Variants in PRKN observed in about 807,000 individuals in gnomAD.
PRKN encodes the protein parkin RBR E3 ubiquitin protein ligase, also known as E3 ubiquitin-protein ligase parkin.
A neutral mutation model predicts 59.5 loss-of-function variants in PRKN; 56 were observed. The observed-to-expected ratio is 0.94, with a 90% CI of 0.76 to 1.18. The LOEUF (loss-of-function observed/expected upper bound fraction) is 1.18. Ranked by LOEUF, PRKN falls within the 50% of genes most tolerant of loss-of-function variation. The pLI is 0.00. For missense variants in PRKN, 657 were observed against 596.4 expected (o/e 1.10, Z -1.06); for synonymous variants, 250 against 222.1 (o/e 1.13, Z -1.12).
At chr6:162,537,485 T>C (rs902312833) in intron 1 of PRKN, among the ~76,000 whole-genome samples, 2 of 152,156 alleles carry the variant, frequency 1.3e-5, no homozygotes, top group African/African-American at 2.4e-5. Context: ...CTTCCCACTT[T>C]AGGCCCACAG....
At chr6:161,774,725 T>C (rs967237327) in intron 7 of PRKN, among the ~76,000 whole-genome samples, 1 of 152,182 alleles carries the variant, frequency 6.6e-6, no homozygotes, top group Non-Finnish European at 1.5e-5. Context: ...GAAATCAATC[T>C]TGACCCTGTT....
chr6:162,551,008 T>C (rs1726545500), intron 1 of PRKN, among the ~76,000 whole-genome samples: 1 of 152,192 alleles, frequency 6.6e-6, no homozygotes, highest in Non-Finnish European at 1.5e-5. Flanking sequence ...TGACTAAGCA[T>C]AACAGCAAAT....
At chr6:162,676,530 A>G (rs1254397274) in intron 1 of PRKN, among the ~76,000 whole-genome samples, 1 of 152,160 alleles carries the variant, frequency 6.6e-6, no homozygotes, top group Non-Finnish European at 1.5e-5. Flanking sequence ...TGAAGTTGCC[A>G]AAAGAAGTGC....
chr6:162,541,757 A>G (rs957696716), intron 1 of PRKN, among the ~76,000 whole-genome samples: 1 of 152,170 alleles, frequency 6.6e-6, no homozygotes, highest in Admixed American at 6.5e-5. Flanking sequence ...GTTTAGCGTT[A>G]AACAACTAGG....
chr6:162,085,220 A>C (rs1384964145), intron 4 of PRKN, among the ~76,000 whole-genome samples: 2 of 151,122 alleles, frequency 1.3e-5, no homozygotes, highest in East Asian at 3.9e-4. Context: ...GACAAATCCC[A>C]CCATGTTGTA....
At chr6:162,296,092 C>A (rs1781661476) in intron 2 of PRKN, among the ~76,000 whole-genome samples, 1 of 151,874 alleles carries the variant, frequency 6.6e-6, no homozygotes, top group Non-Finnish European at 1.5e-5. Context: ...AAAACAAAAA[C>A]AAAGCAAAAG....
intron 1 of PRKN, among the ~76,000 whole-genome samples, chr6:162,655,351 C>T (rs1441041902): frequency 6.6e-6 from 1 of 152,040 alleles, no homozygotes; most frequent in African/African-American, 2.4e-5. Flanking sequence ...ACAAGTAAAC[C>T]GTAGGGATTT....
At chr6:161,514,220 C>A (rs1035362104) in intron 9 of PRKN, among the ~76,000 whole-genome samples, 18 of 152,008 alleles carry the variant, frequency 1.2e-4, no homozygotes, top group African/African-American at 3.6e-4. Context: ...CCCCAGAGTC[C>A]TTGCTTTCTC....
At chr6:162,084,771 T>A (rs988547385) in intron 4 of PRKN, among the ~76,000 whole-genome samples, 2 of 151,942 alleles carry the variant, frequency 1.3e-5, no homozygotes, top group African/African-American at 2.4e-5. Flanking sequence ...TAGTGTGTAT[T>A]TAAAAAATAC....
chr6:162,146,216 A>G (rs1782020121), intron 4 of PRKN, among the ~76,000 whole-genome samples: 1 of 152,168 alleles, frequency 6.6e-6, no homozygotes, highest in Non-Finnish European at 1.5e-5. Flanking sequence ...TAAAGATAGT[A>G]GACTAGAGAT....
intron 9 of PRKN, among the ~76,000 whole-genome samples, chr6:161,537,592 C>T (rs536770505): frequency 6.6e-6 from 1 of 151,994 alleles, no homozygotes; most frequent in Non-Finnish European, 1.5e-5. Flanking sequence ...GCTGGGACTA[C>T]AGGCACCCGC....
intron 2 of PRKN, among the ~76,000 whole-genome samples, chr6:162,284,387 G>C (rs886992816): frequency 4.0e-5 from 6 of 151,882 alleles, no homozygotes; most frequent in African/African-American, 1.4e-4. Context: ...ACCATGCCCA[G>C]CTAATTTTGT....
chr6:162,633,079 G>C (rs1777568893), intron 1 of PRKN, among the ~76,000 whole-genome samples: 1 of 151,646 alleles, frequency 6.6e-6, no homozygotes, highest in Non-Finnish European at 1.5e-5. Flanking sequence ...ATATCTTTTA[G>C]GATTCATTGC....
intron 6 of PRKN, among the ~76,000 whole-genome samples, chr6:161,821,464 C>T (rs572313415): frequency 6.6e-6 from 1 of 152,126 alleles, no homozygotes; most frequent in South Asian, 2.1e-4. Flanking sequence ...TCCAGACTTT[C>T]ACTATTACAA....
At chr6:162,498,832 G>GATTATTGTTGAGA (rs56708693) in intron 1 of PRKN, among the ~76,000 whole-genome samples, 74,430 of 151,712 alleles carry the variant, frequency 0.49, 18,339 homozygotes, top group Middle Eastern at 0.55. Flanking sequence ...ATGAGAATTG[G>GATTATTGTTGAGA]ACAGTAGCCG....
chr6:161,714,982 G>T (rs1786911810), intron 7 of PRKN, among the ~76,000 whole-genome samples: 1 of 152,090 alleles, frequency 6.6e-6, no homozygotes, highest in Non-Finnish European at 1.5e-5. Context: ...TATTTGAACG[G>T]TATTCTTACC....
At chr6:161,996,501 C>T (rs1452655328) in intron 5 of PRKN, among the ~76,000 whole-genome samples, 2 of 152,144 alleles carry the variant, frequency 1.3e-5, no homozygotes, top group African/African-American at 2.4e-5. Flanking sequence ...ATACTGTAAT[C>T]TCTAATGGTA....
At chr6:161,705,099 A>T (rs1786425957) in intron 7 of PRKN, among the ~76,000 whole-genome samples, 1 of 152,072 alleles carries the variant, frequency 6.6e-6, no homozygotes, top group African/African-American at 2.4e-5. Context: ...CCCTTATCCA[A>T]ATTATTGTGG....
At chr6:161,705,156 A>T (rs1336433768) in intron 7 of PRKN, among the ~76,000 whole-genome samples, 1 of 152,166 alleles carries the variant, frequency 6.6e-6, no homozygotes, top group African/African-American at 2.4e-5. Context: ...AACTATATAT[A>T]GAGGCTCCTC....
Sources: gnomAD v4.1 joint callset for allele counts (sites outside exome capture counted in the v4.1 genomes callset) on GRCh38, gnomAD v4.1.1 for gene constraint, MANE v1.5 for transcripts, NCBI Gene and HGNC (gene_info 2026-07-23, HGNC 2026-07-21) for gene names.